The following AATF variants were observed in gnomAD, a reference collection of about 807,000 sequenced individuals.
AATF encodes protein AATF.
In AATF, 48 loss-of-function variants were observed where a neutral mutation model predicts 63.7. The ratio of observed to expected loss-of-function variants is 0.75; its 90% CI spans 0.60 to 0.96. The LOEUF is 0.96. Ranked by LOEUF, AATF falls within the 40% of genes least tolerant of loss-of-function variation. AATF has a pLI of 0.00. For synonymous variants in AATF, 258 were observed against 247.7 expected (o/e 1.04, Z -0.39); for missense variants, 639 against 685.7 (o/e 0.93, Z 0.76).
intron 4 of AATF, among the ~76,000 whole-genome samples, chr17:36,957,499 G>A (rs2070911427): frequency 2.0e-5 from 3 of 152,122 alleles, no homozygotes; most frequent in Non-Finnish European, 4.4e-5. Flanking sequence ...TTAACTAATT[G>A]TTCTGGAAAG....
chr17:37,021,752 C>T, intron 10 of AATF, among the ~76,000 whole-genome samples: 1 of 87,610 alleles, frequency 1.1e-5, no homozygotes, highest in South Asian at 2.5e-4. Context: ...TTGCAGTGAG[C>T]CGAGATCGCG....
intron 11 of AATF, among the ~76,000 whole-genome samples, chr17:37,041,351 A>G (rs2071638372): frequency 6.6e-6 from 1 of 152,080 alleles, no homozygotes; most frequent in African/African-American, 2.4e-5. Context: ...ACAGAAATCT[A>G]TGTTCTAGGT....
At chr17:36,954,051 G>T in intron 4 of AATF, 144 bp downstream of exon 4, 1 of 754,532 alleles carries the variant, frequency 1.3e-6, no homozygotes, top group South Asian at 2.3e-5. Flanking sequence ...CATCCCCCTT[G>T]GCTTTCCAAG....
intron 10 of AATF, among the ~76,000 whole-genome samples, chr17:37,028,534 C>T (rs898682353): frequency 2.0e-5 from 3 of 152,116 alleles, no homozygotes; most frequent in Non-Finnish European, 2.9e-5. Flanking sequence ...GCCTGTAATC[C>T]GAGCACTTTT....
chr17:37,013,849 C>T (rs1262306664), intron 8 of AATF, among the ~76,000 whole-genome samples: 1 of 152,142 alleles, frequency 6.6e-6, no homozygotes, highest in Non-Finnish European at 1.5e-5. Context: ...GTAACTATTG[C>T]TGTTTTTCCC....
At chr17:36,972,989 C>A (rs1321021270) in intron 4 of AATF, among the ~76,000 whole-genome samples, 1 of 152,066 alleles carries the variant, frequency 6.6e-6, no homozygotes, top group African/African-American at 2.4e-5. Context: ...TTAAAGAGCT[C>A]CATTAATTAA....
intron 4 of AATF, among the ~76,000 whole-genome samples, chr17:36,956,040 C>T (rs895916353): frequency 6.6e-6 from 1 of 152,202 alleles, no homozygotes; most frequent in African/African-American, 2.4e-5. Flanking sequence ...GCTGGGATTA[C>T]AGGTGTGAGC....
chr17:37,043,975 G>A (rs538770133), intron 11 of AATF, among the ~76,000 whole-genome samples: 8 of 152,150 alleles, frequency 5.3e-5, no homozygotes, highest in African/African-American at 1.7e-4. Flanking sequence ...TGTGTATTAC[G>A]CCACTGTCCC....
chr17:37,003,683 T>A (rs536178283), intron 8 of AATF, among the ~76,000 whole-genome samples: 1 of 148,664 alleles, frequency 6.7e-6, no homozygotes, highest in Non-Finnish European at 1.5e-5. Flanking sequence ...CCCAGGCTGG[T>A]CTCACACTCC....
intron 11 of AATF, among the ~76,000 whole-genome samples, chr17:37,041,134 A>G (rs1386425400): frequency 6.6e-6 from 1 of 152,152 alleles, no homozygotes; most frequent in Non-Finnish European, 1.5e-5. Flanking sequence ...TTCTTATAGA[A>G]TTTTTTGTGT....
chr17:37,018,890 A>G, intron 8 of AATF, 115 bp from the exon 9 acceptor site: 1 of 807,506 alleles, frequency 1.2e-6, no homozygotes, highest in Admixed American at 1.9e-5. Context: ...GTTGTCCCTT[A>G]TTGATTGTAG....
intron 4 of AATF, among the ~76,000 whole-genome samples, chr17:36,974,240 A>G (rs968759049): frequency 3.3e-5 from 5 of 152,136 alleles, no homozygotes; most frequent in African/African-American, 1.2e-4. Context: ...ATGGGACTCT[A>G]TTCTGTAATT....
At chr17:36,989,878 G>A (rs1220071848) in intron 7 of AATF, among the ~76,000 whole-genome samples, 1 of 151,944 alleles carries the variant, frequency 6.6e-6, no homozygotes, top group African/African-American at 2.4e-5. Flanking sequence ...TTAGTTTATA[G>A]CAACTTAAAA....
At chr17:36,991,588 T>TG (rs71159676) in intron 8 of AATF, among the ~76,000 whole-genome samples, 2 of 84,016 alleles carry the variant, frequency 2.4e-5, no homozygotes, top group African/African-American at 1.7e-4. Flanking sequence ...TAAGTTATAC[T>TG]TTTTTTTTTT....
At chr17:37,048,799 C>G (rs2071719566) in intron 11 of AATF, among the ~76,000 whole-genome samples, 1 of 152,204 alleles carries the variant, frequency 6.6e-6, no homozygotes, top group Non-Finnish European at 1.5e-5. Flanking sequence ...CAGTATGTTT[C>G]TCCTTTTAGG....
chr17:36,972,888 G>A (rs1392141611), intron 4 of AATF, among the ~76,000 whole-genome samples: 1 of 151,966 alleles, frequency 6.6e-6, no homozygotes. Flanking sequence ...GGAAGACTCG[G>A]GATTCTGTCT....
chr17:37,007,449 C>T (rs972106182), intron 8 of AATF, among the ~76,000 whole-genome samples: 1 of 150,138 alleles, frequency 6.7e-6, no homozygotes, highest in Non-Finnish European at 1.5e-5. Flanking sequence ...GGTGATCCCC[C>T]TGCCTCAGCC....
intron 4 of AATF, among the ~76,000 whole-genome samples, chr17:36,981,486 C>T (rs1048505655): frequency 1.1e-4 from 16 of 151,588 alleles, no homozygotes; most frequent in Admixed American, 9.8e-4. Context: ...CTTCGTTACC[C>T]GGACTTGAGT....
chr17:36,988,966 T>C (rs1183792479), intron 6 of AATF, among the ~76,000 whole-genome samples: 1 of 152,212 alleles, frequency 6.6e-6, no homozygotes, highest in Non-Finnish European at 1.5e-5. Context: ...GTTCAAGTGC[T>C]GAAAATCCAA....
Sources: allele counts gnomAD v4.1 joint callset (sites outside exome capture counted in the v4.1 genomes callset), GRCh38; gene constraint gnomAD v4.1.1; transcripts MANE v1.5; gene names NCBI Gene and HGNC (gene_info 2026-07-23, HGNC 2026-07-21).